TNS3: variants seen among roughly 807,000 people sequenced by gnomAD.
The protein encoded by TNS3 is tensin 3, also known as tensin-3.
Under a neutral mutation model 140.9 loss-of-function variants are expected in TNS3, and 45 were observed. The ratio of observed to expected loss-of-function variants is 0.32; its 90% confidence interval spans 0.25 to 0.41. The LOEUF is 0.41. Ranked by LOEUF, TNS3 falls within the 10% of genes least tolerant of loss-of-function variation. The pLI, the probability that TNS3 is intolerant of heterozygous loss-of-function variation, is 1.00. For synonymous variants in TNS3, 815 were observed against 788.4 expected (o/e 1.03, Z -0.56); for missense variants, 1,716 against 1,906.7 (o/e 0.90, Z 1.86).
intron 20 of TNS3, among the ~76,000 whole-genome samples, chr7:47,326,537 C>A (rs1351145492): frequency 6.6e-6 from 1 of 151,918 alleles, no homozygotes; most frequent in African/African-American, 2.4e-5. Flanking sequence ...CTGAGGTTCC[C>A]CCTTAGAGTG....
chr7:47,486,253 T>C lies in TNS3; in HGVS notation c.-114-5112A>G, dbSNP rs1584757076. ...TGTAAAAGTGTAGGGGGTGTGAGCG[T>C]GTGTGCTTGTGAGAATGTATGAACG... On this transcript the variant is annotated intron_variant, in intron 3 of 30. Coordinates refer to ENST00000311160, the MANE Select transcript of TNS3 (RefSeq NM_022748.12). Among the ~76,000 whole-genome samples, 6 of 152,036 alleles carry C rather than the reference T, an allele frequency of 3.9e-5. No individual in the cohort carries two copies. The South Asian group carries it at 1.2e-3, about 32-fold the overall frequency.
chr7:47,361,156 C>T (rs191729376), intron 17 of TNS3, among the ~76,000 whole-genome samples: 1 of 142,300 alleles, frequency 7.0e-6, no homozygotes, highest in East Asian at 2.1e-4. Flanking sequence ...AGCTCCCAGG[C>T]TCAGTGCACC....
At chr7:47,506,026 C>T (rs1243086392) in intron 3 of TNS3, among the ~76,000 whole-genome samples, 1 of 152,180 alleles carries the variant, frequency 6.6e-6, no homozygotes, top group Non-Finnish European at 1.5e-5. Context: ...AAACAGCTGA[C>T]CCATGAGGTC....
At chr7:47,491,015 G>A (rs542099705) in intron 3 of TNS3, among the ~76,000 whole-genome samples, 79 of 152,288 alleles carry the variant, frequency 5.2e-4, no homozygotes, top group African/African-American at 1.8e-3. Context: ...ATGAGGCCAT[G>A]AGCTGTCACA....
chr7:47,411,900 A>T (rs1326775868), intron 12 of TNS3, 98 bp from the exon 13 acceptor site: 2 of 1,056,320 alleles, frequency 1.9e-6, no homozygotes, highest in African/African-American at 3.2e-5. Flanking sequence ...AAAACTCAGA[A>T]ATTACACAGA....
At chr7:47,368,317 C>T (rs559148736) in intron 17 of TNS3, 48 bp downstream of exon 17, 94 of 1,431,718 alleles carry the variant, frequency 6.6e-5, no homozygotes, top group Non-Finnish European at 8.5e-5. Context: ...ACATTAGCCT[C>T]CCGTGGAGCA....
At position 47,530,838 on chromosome 7, in the gene TNS3, A is replaced by AATATATATAT. The variant is rs1554350245; in HGVS notation, c.-264-1701_-264-1692dup. 2.3e-3 allele frequency among the ~76,000 whole-genome samples: 127 copies of AATATATATAT among 54,556 alleles called. 3 individuals are homozygous for AATATATATAT. Among genetic ancestry groups the AATATATATAT allele is most frequent in the Middle Eastern group, 0.019 (1 of 54 alleles). 35.8% of individuals were successfully genotyped at this position (54,556 alleles called of 152,430 possible). Reference sequence around the variant, plus strand: ...AACTCCATCTCAAAAAAAAAAAAAAAATATATATATATATATATATTTCTA... The same window carrying AATATATATAT: ...AACTCCATCTCAAAAAAAAAAAAAAAATATATATATATATATATATATATATATATTTCTA... On this transcript the variant is annotated intron_variant, in intron 1 of 30. Coordinates refer to ENST00000311160, the MANE Select transcript of TNS3 (RefSeq NM_022748.12).
intron 3 of TNS3, among the ~76,000 whole-genome samples, chr7:47,482,632 T>G (rs920509763): frequency 3.3e-5 from 5 of 152,204 alleles, no homozygotes; most frequent in Non-Finnish European, 5.9e-5. Context: ...CACATGCATC[T>G]TGTTGCCTCA....
rs546446497 is a variant in TNS3, at chr7:47,431,080, C to A, written c.325-2704G>T. On this transcript the variant is annotated intron_variant, in intron 8 of 30. Coordinates refer to ENST00000311160, the MANE Select transcript of TNS3 (RefSeq NM_022748.12). ...ACTAGAAATCAATAACAGGAAGAAT[C>A]TTGGAAAATTCACAAGTTTATGGAA... 1.1e-4 allele frequency among the ~76,000 whole-genome samples: 16 copies of A among 152,136 alleles called. No individual in the cohort carries two copies. The East Asian group carries it at 1.2e-3, about 11-fold the overall frequency.
chr7:47,395,236 CATGCAGCAAGGG>C (rs57241650), intron 16 of TNS3, among the ~76,000 whole-genome samples: 5,263 of 152,300 alleles, frequency 0.035, 313 homozygotes, highest in African/African-American at 0.12. Context: ...CACTGGCTCC[CATGCAGCAAGGG>C]ACCTCTCTGG....
At chr7:47,299,292 C>G (rs1269315905) in intron 23 of TNS3, among the ~76,000 whole-genome samples, 1 of 152,058 alleles carries the variant, frequency 6.6e-6, no homozygotes, top group African/African-American at 2.4e-5. Context: ...TGTACACCAC[C>G]ACACCCAGCT....
At chr7:47,462,207 G>A (rs921521152) in intron 4 of TNS3, among the ~76,000 whole-genome samples, 16 of 152,226 alleles carry the variant, frequency 1.1e-4, no homozygotes, top group African/African-American at 3.4e-4. Flanking sequence ...TGCATAGTAA[G>A]TGACATGCAA....
At chr7:47,388,744 T>G (rs1057084822) in intron 16 of TNS3, among the ~76,000 whole-genome samples, 4 of 151,992 alleles carry the variant, frequency 2.6e-5, no homozygotes, top group African/African-American at 9.7e-5. Flanking sequence ...CAGGCACCTG[T>G]AGTCCCAGCT....
rs371232166 is a variant in TNS3, at chr7:47,420,060, C to A, written c.473+4041G>T. Reference sequence around the variant, plus strand: ...CTATATCTGGGCATTGAATAATGAACCCATTTGTCGGTTACAGAGACTATC... The same window carrying A: ...CTATATCTGGGCATTGAATAATGAAACCATTTGTCGGTTACAGAGACTATC... On this transcript the variant is annotated intron_variant, in intron 10 of 30. Coordinates refer to ENST00000311160, the MANE Select transcript of TNS3 (RefSeq NM_022748.12). Among the ~76,000 whole-genome samples, 3 of 152,158 alleles carry A rather than the reference C, an allele frequency of 2.0e-5. No homozygotes were observed. The East Asian group carries it at 5.8e-4, about 29-fold the overall frequency.
At chr7:47,443,935 CA>C (rs1001470053) in intron 4 of TNS3, among the ~76,000 whole-genome samples, 3 of 150,204 alleles carry the variant, frequency 2.0e-5, no homozygotes, top group Admixed American at 6.6e-5. Flanking sequence ...AAATAAACAA[CA>C]AAAAAAAAGT....
intron 28 of TNS3, among the ~76,000 whole-genome samples, chr7:47,283,428 G>A (rs1286338099): frequency 6.6e-6 from 1 of 152,222 alleles, no homozygotes; most frequent in Admixed American, 6.5e-5. Flanking sequence ...ATGTGTGTAT[G>A]TGTGTAATTT....
chr7:47,503,308 A>G (rs919551228), intron 3 of TNS3, among the ~76,000 whole-genome samples: 5 of 152,036 alleles, frequency 3.3e-5, no homozygotes, highest in Middle Eastern at 3.2e-3. Flanking sequence ...CCATGCCTCC[A>G]TCTGCTTGCC....
chr7:47,279,964 C>T, intron 30 of TNS3, 200 bp downstream of exon 30: 1 of 641,372 alleles, frequency 1.6e-6, no homozygotes, highest in Non-Finnish European at 2.7e-6. Flanking sequence ...GCACATCCAG[C>T]CAACAGCCGG....
chr7:47,478,732 G>A (rs185821194), intron 4 of TNS3, among the ~76,000 whole-genome samples: 42 of 151,816 alleles, frequency 2.8e-4, no homozygotes, highest in African/African-American at 9.7e-4. Flanking sequence ...TCATATGTAT[G>A]GCACATGTAT....
Sources: gnomAD v4.1 joint callset for allele counts (sites outside exome capture counted in the v4.1 genomes callset) on GRCh38, gnomAD v4.1.1 for gene constraint, MANE v1.5 for transcripts, NCBI Gene and HGNC (gene_info 2026-07-23, HGNC 2026-07-21) for gene names.